SV2C: variants seen among roughly 807,000 people sequenced by gnomAD.
The protein encoded by SV2C is synaptic vesicle glycoprotein 2C.
A neutral mutation model predicts 79.7 loss-of-function variants in SV2C; 49 were observed. The observed-to-expected ratio is 0.61, with a 90% confidence interval of 0.49 to 0.78. The LOEUF is 0.78. Among genes scored for constraint, SV2C ranks in the 30% least tolerant of loss-of-function variants. SV2C has a pLI of 0.00. For missense variants in SV2C, 833 were observed against 912.9 expected, an observed-to-expected ratio of 0.91 and a Z score of 1.13; for synonymous variants, 334 against 333.2, an observed-to-expected ratio of 1.00 and a Z score of -0.03.
chr5:76,036,898 T>G, the SV2C span, among the ~76,000 whole-genome samples: 1 of 152,380 alleles, frequency 6.6e-6, no homozygotes, highest in Non-Finnish European at 1.5e-5. Context: ...GACGTAGATT[T>G]GGTCTTTTCA....
intron 12 of SV2C, among the ~76,000 whole-genome samples, chr5:76,344,948 G>C (rs1213276683): frequency 6.6e-6 from 1 of 152,146 alleles, no homozygotes; most frequent in African/African-American, 2.4e-5. Flanking sequence ...GTCAGTGACA[G>C]GCACAATTCA....
the SV2C span, among the ~76,000 whole-genome samples, chr5:75,998,839 T>G: frequency 6.6e-6 from 1 of 152,218 alleles, no homozygotes; most frequent in East Asian, 1.9e-4. Flanking sequence ...TCACTCTCTC[T>G]CTCTCTATTG....
At chr5:76,186,859 A>T (rs1263959261) in intron 2 of SV2C, among the ~76,000 whole-genome samples, 2 of 152,198 alleles carry the variant, frequency 1.3e-5, no homozygotes, top group Non-Finnish European at 2.9e-5. Context: ...ATGAGAACTC[A>T]CTCACTATCA....
intron 3 of SV2C, among the ~76,000 whole-genome samples, chr5:76,204,786 C>T (rs1744560788): frequency 6.6e-6 from 1 of 152,210 alleles, no homozygotes; most frequent in African/African-American, 2.4e-5. Flanking sequence ...AAACAGCGTA[C>T]ATCAGTGTGA....
At chr5:76,335,742 G>A (rs1749305250), downstream of SV2C, among the ~76,000 whole-genome samples, 1 of 152,012 alleles carries the variant, frequency 6.6e-6, no homozygotes, top group African/African-American at 2.4e-5. Context: ...TTGGGGGTAG[G>A]GTCACAGATC....
the SV2C span, among the ~76,000 whole-genome samples, chr5:75,850,518 A>G: frequency 6.6e-6 from 1 of 152,092 alleles, no homozygotes; most frequent in Non-Finnish European, 1.5e-5. Context: ...AAAATGACCA[A>G]TTTGTTACTA....
the SV2C span, among the ~76,000 whole-genome samples, chr5:75,914,799 G>A: frequency 6.6e-6 from 1 of 152,140 alleles, no homozygotes; most frequent in East Asian, 1.9e-4. Flanking sequence ...AAAACTTATG[G>A]ATGTGATAAT....
chr5:76,285,456 C>A, intron 5 of SV2C, 161 bp downstream of exon 5: 1 of 1,051,246 alleles, frequency 9.5e-7, no homozygotes, highest in Non-Finnish European at 1.3e-6. Flanking sequence ...TTTCAACAAC[C>A]AACATGTAAA....
rs768710228 is a variant in SV2C, at chr5:76,157,471, CAA to C, written c.580+25142_580+25143del. Among the ~76,000 whole-genome samples the C allele has an allele frequency of 3.9e-5, 6 of 151,972 alleles. No individual in the cohort carries two copies. In the South Asian group the frequency reaches 1.2e-3, roughly 31 times the overall value. On this transcript the variant is annotated intron_variant, in intron 2 of 12. Coordinates refer to ENST00000502798, the MANE Select transcript of SV2C (RefSeq NM_014979.4). ...ATAATCTGAATCTTCAAGAAAAAAA[CAA>C]TGAGCATATATATGTGTAAAAGACA... is the stretch of plus-strand genomic sequence containing the variant.
chr5:75,970,874 A>G, the SV2C span, among the ~76,000 whole-genome samples: 1 of 152,086 alleles, frequency 6.6e-6, no homozygotes, highest in Non-Finnish European at 1.5e-5. Flanking sequence ...ACAACCAAAA[A>G]AGAGAATTTT....
At chr5:76,011,883 A>T in the SV2C span, among the ~76,000 whole-genome samples, 1 of 152,076 alleles carries the variant, frequency 6.6e-6, no homozygotes, top group Non-Finnish European at 1.5e-5. Context: ...TTCTTGTGTT[A>T]GTTTGTTGAG....
the SV2C span, among the ~76,000 whole-genome samples, chr5:75,982,232 TAAAA>T: frequency 5.5e-5 from 6 of 109,704 alleles, no homozygotes; most frequent in Non-Finnish European, 9.6e-5. Context: ...ATTAAAAAAA[TAAAA>T]AGAAAAAAAA....
At chr5:75,872,260 C>A in the SV2C span, among the ~76,000 whole-genome samples, 3 of 149,868 alleles carry the variant, frequency 2.0e-5, no homozygotes, top group African/African-American at 2.4e-5. Context: ...GAAAAAAGGC[C>A]CTGAATAAAT....
At chr5:76,243,340 C>A (rs570795772) in intron 4 of SV2C, among the ~76,000 whole-genome samples, 7 of 152,112 alleles carry the variant, frequency 4.6e-5, no homozygotes, top group Non-Finnish European at 7.3e-5. Context: ...TCAACAAATG[C>A]GTATTGAGGG....
At chr5:76,226,138 C>T (rs540451536) in intron 4 of SV2C, among the ~76,000 whole-genome samples, 87 of 152,308 alleles carry the variant, frequency 5.7e-4, no homozygotes, top group African/African-American at 1.9e-3. Flanking sequence ...TTAACCTACA[C>T]TGGTCTTCCT....
At chr5:76,034,907 A>T in the SV2C span, among the ~76,000 whole-genome samples, 4 of 152,250 alleles carry the variant, frequency 2.6e-5, no homozygotes, top group African/African-American at 9.6e-5. Context: ...TAAGCTATTG[A>T]TTATTGCCAC....
the SV2C span, among the ~76,000 whole-genome samples, chr5:75,884,484 A>G: frequency 6.6e-6 from 1 of 152,204 alleles, no homozygotes; most frequent in Non-Finnish European, 1.5e-5. Flanking sequence ...TGTCCATTAA[A>G]GGAAGACTTG....
At chr5:76,258,415 A>G (rs535948693) in intron 4 of SV2C, among the ~76,000 whole-genome samples, 1 of 152,128 alleles carries the variant, frequency 6.6e-6, no homozygotes, top group African/African-American at 2.4e-5. Flanking sequence ...TTCAGGAGCT[A>G]TCTTAGTTGG....
chr5:76,251,256 G>A (rs1746107824), intron 4 of SV2C, among the ~76,000 whole-genome samples: 1 of 152,036 alleles, frequency 6.6e-6, no homozygotes. Context: ...CAAAGCACAG[G>A]TTGTGTCCAG....
Sources: allele counts gnomAD v4.1 joint callset (sites outside exome capture counted in the v4.1 genomes callset), GRCh38; gene constraint gnomAD v4.1.1; transcripts MANE v1.5; gene names NCBI Gene and HGNC (gene_info 2026-07-23, HGNC 2026-07-21).